SCIMP: variants seen among roughly 807,000 people sequenced by gnomAD.
SCIMP encodes SLP adaptor and CSK interacting membrane protein, also known as SLP adapter and CSK-interacting membrane protein.
A neutral mutation model predicts 22.0 loss-of-function variants in SCIMP; 18 were observed. The observed-to-expected ratio is 0.82, with a 90% CI of 0.56 to 1.21. The LOEUF (loss-of-function observed/expected upper bound fraction) is 1.21, where lower values mean the gene tolerates loss of function less well. Among genes scored for constraint, SCIMP ranks in the 50% most tolerant of loss-of-function variants. SCIMP has a pLI of 0.00. For synonymous variants in SCIMP, 53 were observed against 62.2 expected, an observed-to-expected ratio of 0.85 and a Z score of 0.70; for missense variants, 155 against 171.2, an observed-to-expected ratio of 0.91 and a Z score of 0.53.
At position 5,234,831 on chromosome 17, in the gene SCIMP, C is replaced by CA; in HGVS notation, c.-77dup. On this transcript the variant is annotated 5_prime_UTR_variant, in exon 1 of 5. Transcript: ENST00000574081. ...CAGCTGGTGAGAGGCATTCCTCACT[C>CA]ACAGGCCTTCACCCACTGCTAGAGA... The CA allele has an allele frequency of 1.3e-6, 2 of 1,564,144 alleles. No individual in the cohort carries two copies. The highest frequency in any genetic ancestry group is 8.7e-7 in the Non-Finnish European group (1 of 1,154,160).
chr17:5,210,876 G>A lies in SCIMP; in HGVS notation c.363C>T (p.Ile121=). Residue 121 remains isoleucine, a synonymous_variant, in exon 5 of 5, where the codon ATC becomes ATT. Transcript: ENST00000574081. ...NKVKNKKTVS[I]PSYIEPEDDY... ...CATCTTCAGGCTCAATGTAGCTTGG[G>A]ATGGAAACAGTCTTCTTATTTTTAA... is the stretch of plus-strand genomic sequence containing the variant. The A allele has an allele frequency of 1.9e-6, 3 of 1,614,078 alleles. No individual in the cohort carries two copies. Among genetic ancestry groups the A allele is most frequent in the Non-Finnish European group, 8.5e-7 (1 of 1,180,002 alleles).
At chr17:5,234,157 G>C (rs540990555) in intron 1 of SCIMP, among the ~76,000 whole-genome samples, 13 of 152,224 alleles carry the variant, frequency 8.5e-5, no homozygotes, top group African/African-American at 2.6e-4. Flanking sequence ...TGTAATCCCA[G>C]CTACTCAGGA....
intron 4 of SCIMP, chr17:5,213,202 A>C: frequency 2.0e-6 from 2 of 983,336 alleles, no homozygotes; most frequent in Non-Finnish European, 2.4e-6. Flanking sequence ...TTACACCCTT[A>C]TATCAGGCTA....
intron 1 of SCIMP, among the ~76,000 whole-genome samples, chr17:5,232,727 T>C (rs1278835910): frequency 6.6e-6 from 1 of 151,974 alleles, no homozygotes. Context: ...TTTTTTTTTT[T>C]TGAGATGGCG....
At chr17:5,217,448 C>T (rs1049125206) in intron 3 of SCIMP, among the ~76,000 whole-genome samples, 2 of 151,234 alleles carry the variant, frequency 1.3e-5, no homozygotes, top group Admixed American at 6.6e-5. Flanking sequence ...TTTTAGGGTA[C>T]ATGTGCACAA....
chr17:5,229,822 T>G, intron 1 of SCIMP, among the ~76,000 whole-genome samples: 1 of 124,770 alleles, frequency 8.0e-6, no homozygotes, highest in African/African-American at 3.0e-5. Context: ...CAAGTTCCCC[T>G]CCCCTCCCCT....
intron 3 of SCIMP, among the ~76,000 whole-genome samples, chr17:5,215,679 C>T (rs960040219): frequency 2.0e-5 from 3 of 152,122 alleles, no homozygotes; most frequent in African/African-American, 7.2e-5. Context: ...TGTACACACA[C>T]CTTGAGTCAG....
At chr17:5,214,167 G>C (rs551971772) in intron 4 of SCIMP, 2 of 152,214 alleles carry the variant, frequency 1.3e-5, no homozygotes, top group Non-Finnish European at 2.9e-5. Context: ...CCCTCATCTC[G>C]GGCTTCCAGC....
intron 1 of SCIMP, among the ~76,000 whole-genome samples, chr17:5,227,305 A>ACACACACACACACACACACACACACT (rs2074657343): frequency 6.6e-6 from 1 of 151,342 alleles, no homozygotes; most frequent in Non-Finnish European, 1.5e-5. Flanking sequence ...ACACACACAC[A>ACACACACACACACACACACACACACT]CACACACACA....
rs2074508087 is a variant in SCIMP at position 5,209,016 on chromosome 17, T to C, written c.*1785A>G. Reference sequence around the variant, plus strand: ...ATGTGTTTGAAACACTCCAATCCTTTGGCTTATTTTTGTTCTATAATTTGG... The same window carrying C: ...ATGTGTTTGAAACACTCCAATCCTTCGGCTTATTTTTGTTCTATAATTTGG... On this transcript the variant is annotated 3_prime_UTR_variant, in exon 5 of 5. Transcript: ENST00000574081. 6.6e-6 allele frequency: 1 copy of C among 152,232 alleles called. No individual in the cohort carries two copies. Among genetic ancestry groups the C allele is most frequent in the African/African-American group, 2.4e-5 (1 of 41,452 alleles). The allele number at this position is 152,232 out of a possible 1,614,324, so 9.4% of individuals were successfully genotyped here. A position where few individuals can be genotyped will look rare whatever the true frequency, so the allele number is the denominator to read the frequency against.
chr17:5,225,777 A>C lies in SCIMP; in HGVS notation c.22-2321T>G, dbSNP rs76867208. ...GATTCCATCTGAAAAAAAAAAAAAAACACCGATCTCAAAGAGGGAGTTGTG... is the reference window on the plus strand; with the variant it reads ...GATTCCATCTGAAAAAAAAAAAAAACCACCGATCTCAAAGAGGGAGTTGTG... On this transcript the variant is annotated intron_variant, in intron 1 of 4. Coordinates refer to ENST00000574081, the MANE Select transcript of SCIMP (RefSeq NM_207103.3). Among the ~76,000 whole-genome samples the C allele has an allele frequency of 4.0e-5, 6 of 151,406 alleles. No homozygotes were observed. The East Asian group carries it at 9.7e-4, about 25-fold the overall frequency.
intron 1 of SCIMP, among the ~76,000 whole-genome samples, chr17:5,228,577 C>T (rs921563237): frequency 6.6e-6 from 1 of 150,394 alleles, no homozygotes; most frequent in Non-Finnish European, 1.5e-5. Flanking sequence ...CCCAGGGATT[C>T]GAGGCTACAT....
chr17:5,227,797 G>A (rs951888706), intron 1 of SCIMP, among the ~76,000 whole-genome samples: 2 of 152,172 alleles, frequency 1.3e-5, no homozygotes, highest in African/African-American at 4.8e-5. Context: ...AGCCTCTCTC[G>A]TGAGGCCATC....
chr17:5,213,188 G>A (rs1184536418), intron 4 of SCIMP: 1 of 984,406 alleles, frequency 1.0e-6, no homozygotes, highest in Non-Finnish European at 1.2e-6. Context: ...ATTTGAACAT[G>A]AATTTACACC....
intron 1 of SCIMP, among the ~76,000 whole-genome samples, chr17:5,226,167 C>T (rs947207296): frequency 2.6e-5 from 4 of 152,150 alleles, no homozygotes; most frequent in Admixed American, 6.6e-5. Flanking sequence ...ATTGTGACTG[C>T]GTGGAAGGTC....
intron 4 of SCIMP, chr17:5,214,515 C>T: frequency 6.3e-6 from 1 of 158,058 alleles, no homozygotes; most frequent in Non-Finnish European, 1.4e-5. Flanking sequence ...GAGATCGCGC[C>T]ACTGCACTCC....
At chr17:5,224,327 C>T (rs1597291044) in intron 1 of SCIMP, among the ~76,000 whole-genome samples, 2 of 151,836 alleles carry the variant, frequency 1.3e-5, no homozygotes, top group South Asian at 2.1e-4. Context: ...TTAGTAGAGA[C>T]GGGGTTTCAC....
chr17:5,214,613 G>A (rs539482048), intron 4 of SCIMP: 6 of 257,218 alleles, frequency 2.3e-5, no homozygotes, highest in South Asian at 2.2e-4. Flanking sequence ...GGCCGAGGCC[G>A]GTGGATCACG....
In SCIMP at chr17:5,214,957, G is replaced by T. The variant is rs748561440; in HGVS notation, c.251C>A (p.Pro84Gln). ...TTCTAGAGAAGGCCAATTCCTCGGT[G>T]GCAGAGGCGGTAATTGAACTGGCGA... ...NESPVQLPPLPPRNWPSLEDS... is the reference protein window; with the variant it reads ...NESPVQLPPLQPRNWPSLEDS... Residue 84 changes from proline to glutamine, a missense_variant, in exon 4 of 5, where the codon CCA becomes CAA. Pro to Gln is a moderately conservative substitution (Grantham distance 76). Transcript: ENST00000574081. 8 of 1,610,264 alleles carry T rather than the reference G, an allele frequency of 5.0e-6. No homozygotes were observed.
Sources: allele counts gnomAD v4.1 joint callset (sites outside exome capture counted in the v4.1 genomes callset), GRCh38; gene constraint gnomAD v4.1.1; transcripts MANE v1.5; gene names NCBI Gene and HGNC (gene_info 2026-07-23, HGNC 2026-07-21).